The following C19orf81 variants were observed in gnomAD, a reference collection of about 807,000 sequenced individuals.
C19orf81 encodes chromosome 19 open reading frame 81, also known as putative uncharacterized protein C19orf81.
Under a neutral mutation model 22.1 loss-of-function variants are expected in C19orf81, and 19 were observed. The observed-to-expected ratio is 0.86, with a 90% CI of 0.60 to 1.26. The LOEUF (loss-of-function observed/expected upper bound fraction) is 1.26. Ranked by LOEUF, C19orf81 falls within the 50% of genes most tolerant of loss-of-function variation. C19orf81 has a pLI of 0.00. For missense variants in C19orf81, 287 were observed against 280.7 expected (o/e 1.02, Z -0.16); for synonymous variants, 108 against 113.1 (o/e 0.95, Z 0.29).
intron 4 of C19orf81, 31 bp from the exon 5 acceptor site, chr19:50,658,916 A>G (rs1001187942): frequency 1.4e-6 from 2 of 1,409,760 alleles, no homozygotes; most frequent in African/African-American, 1.5e-5. Flanking sequence ...ACGACCTGCG[A>G]GTTCCTTTTC....
chr19:50,649,467 T>A lies in C19orf81; in HGVS notation c.23T>A (p.Val8Glu). Reference sequence around the variant, plus strand: ...AGGATGCAGCCAGAGGTGGAGCCCGTGTGCTTCCCTGCCATGGGCAGCCCC... The same window carrying A: ...AGGATGCAGCCAGAGGTGGAGCCCGAGTGCTTCCCTGCCATGGGCAGCCCC... MQPEVEP[V>E]CFPAMGSPTM... The change falls in exon 1 of 5, where the codon GTG (valine) becomes GAG (glutamate). Residue 8 changes from valine (V) to glutamate (E), a missense_variant. Physicochemically the swap from Val to Glu is moderately radical, Grantham distance 121. Transcript: ENST00000425202. 6.5e-7 allele frequency: 1 copy of A among 1,536,158 alleles called. No individual in the cohort carries two copies. The highest frequency in any genetic ancestry group is 8.7e-7 in the Non-Finnish European group (1 of 1,146,856).
chr19:50,659,003 T>C lies in C19orf81; in HGVS notation c.458T>C (p.Leu153Pro). 1 of 1,527,486 alleles carries C rather than the reference T, an allele frequency of 6.5e-7. No individual in the cohort carries two copies. Among genetic ancestry groups the C allele is most frequent in the South Asian group, 1.2e-5 (1 of 82,946 alleles). 94.6% of individuals were successfully genotyped at this position (1,527,486 alleles called of 1,614,324 possible). ...CGCTCGCGCTTGCTGCGCTCCGGGC[T>C]CAGTCCCCGCGGGCTTGCGCACCAG... ...QTRSRLLRSGLSPRGLAHQIV... is the reference protein window; with the variant it reads ...QTRSRLLRSGPSPRGLAHQIV... The change falls in exon 5 of 5, where the codon CTC becomes CCC. Residue 153 changes from leucine to proline, a missense_variant. Leu to Pro is a moderately conservative substitution (Grantham distance 98). Transcript: ENST00000425202.
chr19:50,658,154 T>C (rs1457447766), intron 4 of C19orf81, 26 bp downstream of exon 4: 5 of 1,509,778 alleles, frequency 3.3e-6, no homozygotes, highest in East Asian at 5.0e-5. Context: ...GGGCGGGGCC[T>C]GGAGCGAGCG....
chr19:50,658,512 GAGTAGGGGCCCGAGTTTGAGTGACCC>G (rs941211153), intron 4 of C19orf81: 6 of 265,548 alleles, frequency 2.3e-5, no homozygotes, highest in Admixed American at 1.5e-4. Flanking sequence ...GATCTCGAGT[GAGTAGGGGCCCGAGTTTGAGTGACCC>G]AGTAGTGACC....
At chr19:50,654,796 A>G (rs900595311) in intron 1 of C19orf81, among the ~76,000 whole-genome samples, 10 of 151,526 alleles carry the variant, frequency 6.6e-5, no homozygotes, top group African/African-American at 1.9e-4. Context: ...TGCCCAGATA[A>G]TTAAAAATTT....
chr19:50,658,921 C>T, intron 4 of C19orf81, 26 bp from the exon 5 acceptor site: 2 of 1,417,538 alleles, frequency 1.4e-6, no homozygotes, highest in Non-Finnish European at 1.9e-6. Context: ...CTGCGAGTTC[C>T]TTTTCCGTCC....
At chr19:50,650,390 A>G (rs1041702431) in intron 1 of C19orf81, among the ~76,000 whole-genome samples, 1 of 152,202 alleles carries the variant, frequency 6.6e-6, no homozygotes, top group Non-Finnish European at 1.5e-5. Flanking sequence ...CAAACTCAGG[A>G]CTGGGTGTGG....
At chr19:50,658,163 C>T (rs1237291486) in intron 4 of C19orf81, 35 bp downstream of exon 4, 4 of 1,474,046 alleles carry the variant, frequency 2.7e-6, no homozygotes, top group Non-Finnish European at 1.8e-6. Context: ...CTGGAGCGAG[C>T]GGGAGGGGCG....
At chr19:50,653,909 G>A (rs866378433) in intron 1 of C19orf81, among the ~76,000 whole-genome samples, 59 of 152,222 alleles carry the variant, frequency 3.9e-4, no homozygotes, top group African/African-American at 1.3e-3. Context: ...GAACCAGGAG[G>A]GGTAGATGGA....
intron 1 of C19orf81, among the ~76,000 whole-genome samples, chr19:50,651,922 A>G (rs2123037904): frequency 6.6e-6 from 1 of 152,298 alleles, no homozygotes; most frequent in Admixed American, 6.5e-5. Context: ...TTTCACATGC[A>G]TCTTTGATGC....
chr19:50,652,336 G>A (rs1599827712), intron 1 of C19orf81, among the ~76,000 whole-genome samples: 1 of 152,154 alleles, frequency 6.6e-6, no homozygotes, highest in Admixed American at 6.6e-5. Flanking sequence ...TGCTGGGGAC[G>A]AAAACACAAG....
At chr19:50,651,391 T>C (rs1984875796) in intron 1 of C19orf81, among the ~76,000 whole-genome samples, 1 of 152,094 alleles carries the variant, frequency 6.6e-6, no homozygotes, top group African/African-American at 2.4e-5. Flanking sequence ...ACACCTCCTC[T>C]AGAGAGCCTT....
chr19:50,654,366 A>C (rs1019119409), intron 1 of C19orf81, among the ~76,000 whole-genome samples: 3 of 151,590 alleles, frequency 2.0e-5, no homozygotes, highest in Non-Finnish European at 4.4e-5. Context: ...GCAGTGGCGC[A>C]ATCTTGGCTC....
rs887436354 is a variant in C19orf81, at chr19:50,656,052, G to C, written c.70G>C (p.Ala24Pro). 4 of 1,535,992 alleles carry C rather than the reference G, an allele frequency of 2.6e-6. No individual in the cohort carries two copies. Among genetic ancestry groups the C allele is most frequent in the Admixed American group, 3.9e-5 (2 of 50,978 alleles). The change falls in exon 2 of 5, where the codon GCC (alanine) becomes CCC (proline). Residue 24 changes from alanine (A) to proline (P), a missense_variant and splice_region_variant. By Grantham distance (27) the Ala-to-Pro change is conservative (BLOSUM62 -1). Coordinates refer to ENST00000425202, the MANE Select transcript of C19orf81 (RefSeq NM_001195076.2). The stretch of plus-strand genomic sequence containing the variant: ...GACACTGGGTTCTCTGTCCTCAGGA[G>C]CCCTCCTTATGGACCTGGAGACCCC... ...GSPTMHRKAG[A>P]LLMDLETPEE...
At chr19:50,654,110 T>G (rs1333344553) in intron 1 of C19orf81, among the ~76,000 whole-genome samples, 1 of 151,952 alleles carries the variant, frequency 6.6e-6, no homozygotes, top group African/African-American at 2.4e-5. Flanking sequence ...ACGGGAAATG[T>G]TTTATGTTCG....
At chr19:50,658,895 C>G in intron 4 of C19orf81, 52 bp from the exon 5 acceptor site, 1 of 1,370,842 alleles carries the variant, frequency 7.3e-7, no homozygotes, top group Non-Finnish European at 9.6e-7. Context: ...ACGATCAAAG[C>G]CAGGGCTGAA....
At chr19:50,652,006 C>A (rs1984888284) in intron 1 of C19orf81, among the ~76,000 whole-genome samples, 1 of 151,990 alleles carries the variant, frequency 6.6e-6, no homozygotes, top group African/African-American at 2.4e-5. Context: ...TGTGTTGAGA[C>A]AGGGACTCAC....
intron 1 of C19orf81, among the ~76,000 whole-genome samples, chr19:50,653,861 A>C (rs1984934171): frequency 6.6e-6 from 1 of 152,028 alleles, no homozygotes; most frequent in South Asian, 2.1e-4. Flanking sequence ...GATGGAAAGC[A>C]CAGGCAAGCC....
rs1340844542 is a variant in C19orf81, at chr19:50,656,283, G to C, written c.198G>C (p.Pro66=). The C allele has an allele frequency of 1.3e-6, 2 of 1,536,148 alleles. No homozygotes were observed. Among genetic ancestry groups the C allele is most frequent in the South Asian group, 1.2e-5 (1 of 84,052 alleles). ...AEYEALDREL[P]CIRKFPTPPA... is the part of the protein sequence containing the mutation. ...ACGAGGCACTGGACCGAGAACTCCC[G>C]TGCATCCGGAAGTTCCCCACACCAC... The change falls in exon 3 of 5, where the codon CCG becomes CCC. Residue 66 remains proline (P), a synonymous_variant. Coordinates refer to ENST00000425202, the MANE Select transcript of C19orf81 (RefSeq NM_001195076.2).
Sources: allele counts gnomAD v4.1 joint callset (sites outside exome capture counted in the v4.1 genomes callset), GRCh38; gene constraint gnomAD v4.1.1; transcripts MANE v1.5; gene names NCBI Gene and HGNC (gene_info 2026-07-23, HGNC 2026-07-21).